PRR12: variants seen among roughly 807,000 people sequenced by gnomAD.
PRR12 encodes proline-rich protein 12.
PRR12 carries 12 observed loss-of-function variants against 138.0 expected under a neutral mutation model. The observed-to-expected ratio is 0.09, with a 90% CI of 0.06 to 0.14. PRR12 has a LOEUF of 0.14. Among genes scored for constraint, PRR12 ranks in the 10% least tolerant of loss-of-function variants. The pLI is 1.00. For synonymous variants in PRR12, 1,567 were observed against 1,291.7 expected, an observed-to-expected ratio of 1.21 and a Z score of -4.57; for missense variants, 2,692 against 2,861.3, an observed-to-expected ratio of 0.94 and a Z score of 1.35.
In PRR12 at chr19:49,597,245, C is replaced by A. The variant is rs1043521895; in HGVS notation, c.2910C>A (p.Asp970Glu). 3.2e-6 allele frequency: 5 copies of A among 1,571,320 alleles called. No individual in the cohort carries two copies. The African/African-American group carries it at 5.4e-5, about 17-fold the overall frequency. The change falls in exon 4 of 14, where the codon GAC (aspartate) becomes GAA (glutamate). Residue 970 changes from aspartate (D) to glutamate (E), a missense_variant. Around this residue, in one of 11 missense-constraint regions of PRR12, gnomAD observed 840 missense variants for 689.8 expected, o/e 1.22. Transcript: ENST00000418929. This position sits in a 1 kb window ranked among gnomAD's most constrained non-coding sequence, Gnocchi z 6.3. ...DDYGKAGPPE[D>E]EGDPKAGAGP... ...ACGGCAAGGCCGGGCCACCTGAGGA[C>A]GAGGGGGACCCCAAGGCTGGCGCTG...
chr19:49,601,676 T>G lies in PRR12; in HGVS notation c.4531T>G (p.Ser1511Ala). ...LPPPPPPAMP[S>A]PPPPPPPAAA... ...GCCGCCACCTCCACCAGCCATGCCCTCGCCTCCACCACCACCCCCACCAGC... is the reference window on the plus strand; with the variant it reads ...GCCGCCACCTCCACCAGCCATGCCCGCGCCTCCACCACCACCCCCACCAGC... Residue 1511 changes from serine to alanine, a missense_variant, in exon 6 of 14, where the codon TCG (serine) becomes GCG (alanine). By Grantham distance (99) the Ser-to-Ala change is moderately conservative. Coordinates refer to ENST00000418929, the MANE Select transcript of PRR12 (RefSeq NM_020719.3). The G allele has an allele frequency of 6.5e-7, 1 of 1,536,162 alleles. No individual in the cohort carries two copies. The highest frequency in any genetic ancestry group is 1.2e-5 in the South Asian group (1 of 83,738).
At chr19:49,592,877 T>G (rs1376196567) in intron 1 of PRR12, among the ~76,000 whole-genome samples, 1 of 151,986 alleles carries the variant, frequency 6.6e-6, no homozygotes, top group Non-Finnish European at 1.5e-5. Context: ...CCCATGAAGT[T>G]CAGGGCCTAT....
intron 6 of PRR12, among the ~76,000 whole-genome samples, chr19:49,606,107 C>G (rs978276808): frequency 6.6e-6 from 1 of 152,020 alleles, no homozygotes; most frequent in Non-Finnish European, 1.5e-5. Flanking sequence ...CTCAAGCGAT[C>G]CTCCCACCTC....
Position 49,616,152 on chromosome 19 carries a change from A to G in PRR12, c.5430A>G (p.Thr1810=). ...KWLKEAGGNA[T]AGGGPPGSSS... The stretch of plus-strand genomic sequence containing the variant: ...TGAAGGAGGCAGGCGGCAACGCTAC[A>G]GCAGGCGGGGGCCCACCAGGCAGCT... Residue 1810 remains threonine (T), a synonymous_variant, in exon 9 of 14, where the codon ACA becomes ACG. Transcript: ENST00000418929. This position sits in a 1 kb window ranked among gnomAD's most constrained non-coding sequence, Gnocchi z 4.2. 1 of 1,563,654 alleles carries G rather than the reference A, an allele frequency of 6.4e-7. No individual in the cohort carries two copies. Among genetic ancestry groups the G allele is most frequent in the Non-Finnish European group, 8.7e-7 (1 of 1,154,548 alleles).
Position 49,625,194 on chromosome 19 carries a change from G to A in PRR12, c.5958G>A (p.Arg1986=). The change falls in exon 13 of 14, where the codon CGG becomes CGA. Residue 1986 remains arginine (R), a synonymous_variant. Transcript: ENST00000418929. The surrounding 1 kb of genome is among the most constrained non-coding windows in gnomAD (Gnocchi z 5.5). ...AATACCACACCTTCCTGCGCTGCCG[G>A]GACCAGGTGAGCCCCACCCACAGCA... The part of the protein sequence containing the change: ...HYKYHTFLRC[R]DQTLAIEGGA... 2 of 1,613,304 alleles carry A rather than the reference G, an allele frequency of 1.2e-6. No individual in the cohort carries two copies. Among genetic ancestry groups the A allele is most frequent in the Non-Finnish European group, 1.7e-6 (2 of 1,179,372 alleles).
rs995610999 is a variant in PRR12 at position 49,601,524 on chromosome 19, C to G, written c.4379C>G (p.Thr1460Ser). The change falls in exon 6 of 14, where the codon ACT (threonine) becomes AGT (serine). Residue 1460 changes from threonine (T) to serine (S), a missense_variant. Transcript: ENST00000418929. ...CTGCTGGAGGAGAAACCCCCACCCACTCCACCTCCTGCCCCGACTCCTCAG... is the reference window on the plus strand; with the variant it reads ...CTGCTGGAGGAGAAACCCCCACCCAGTCCACCTCCTGCCCCGACTCCTCAG... ...PPLLEEKPPPTPPPAPTPQPQ... is the reference protein window; with the variant it reads ...PPLLEEKPPPSPPPAPTPQPQ... The G allele has an allele frequency of 7.2e-6, 11 of 1,534,432 alleles. No homozygotes were observed. The African/African-American group carries it at 8.3e-5, about 12-fold the overall frequency.
chr19:49,614,181 C>T lies in PRR12; in HGVS notation c.4774-352C>T, dbSNP rs1461569191. On this transcript the variant is annotated intron_variant, in intron 6 of 13. Transcript: ENST00000418929. This position sits in a 1 kb window ranked among gnomAD's most constrained non-coding sequence, Gnocchi z 5.0. ...CCACAACAGGACGTCTTGCTCACAA[C>T]CGTACTCTCCTGTCCAGCACAGTAA... Among the ~76,000 whole-genome samples the T allele has an allele frequency of 6.6e-6, 1 of 152,158 alleles. No individual in the cohort carries two copies.
intron 8 of PRR12, among the ~76,000 whole-genome samples, chr19:49,615,268 C>T (rs1327993664): frequency 6.8e-6 from 1 of 147,876 alleles, no homozygotes; most frequent in Non-Finnish European, 1.5e-5. Context: ...AACAGAGAAC[C>T]AGACGCATGA....
chr19:49,608,437 G>A (rs1186787812), intron 6 of PRR12, among the ~76,000 whole-genome samples: 3 of 152,052 alleles, frequency 2.0e-5, no homozygotes, highest in African/African-American at 7.2e-5. Context: ...CACCTCCCGG[G>A]TTCAAGCGAT....
Position 49,597,019 on chromosome 19 carries a change from G to A in PRR12, c.2684G>A (p.Gly895Glu), listed in dbSNP as rs770934345. 28 of 1,557,554 alleles carry A rather than the reference G, an allele frequency of 1.8e-5. No homozygotes were observed. In the South Asian group the frequency reaches 3.2e-4, roughly 18 times the overall value. ...CTGGAGCCGCTGCCCCCGGCGCCTGGGGATACTGGCGTAGGCCCACCAAAC... is the reference window on the plus strand; with the variant it reads ...CTGGAGCCGCTGCCCCCGGCGCCTGAGGATACTGGCGTAGGCCCACCAAAC... ...GALEPLPPAP[G>E]DTGVGPPNSE... The change falls in exon 4 of 14, where the codon GGG (glycine) becomes GAG (glutamate). Residue 895 changes from glycine to glutamate, a missense_variant. Physicochemically the swap from Gly to Glu is moderately conservative, Grantham distance 98. Coordinates refer to ENST00000418929, the MANE Select transcript of PRR12 (RefSeq NM_020719.3). This position sits in a 1 kb window ranked among gnomAD's most constrained non-coding sequence, Gnocchi z 6.3.
chr19:49,596,727 C>A lies in PRR12; in HGVS notation c.2392C>A (p.Pro798Thr), dbSNP rs963236905. The A allele has an allele frequency of 6.2e-7, 1 of 1,601,392 alleles. No homozygotes were observed. Among genetic ancestry groups the A allele is most frequent in the Admixed American group, 1.7e-5 (1 of 59,728 alleles). ...PDLPLVLPPP[P>T]PQLLPSVLSH... ...CCTCCCACTGGTGCTGCCTCCGCCT[C>A]CCCCCCAGCTGCTCCCCTCGGTCCT... Residue 798 changes from proline to threonine, a missense_variant, in exon 4 of 14, where the codon CCC becomes ACC. Physicochemically the swap from Pro to Thr is conservative, Grantham distance 38. Transcript: ENST00000418929. This position sits in a 1 kb window ranked among gnomAD's most constrained non-coding sequence, Gnocchi z 5.6.
At chr19:49,622,777 A>C (rs1046611104) in intron 11 of PRR12, among the ~76,000 whole-genome samples, 7 of 150,212 alleles carry the variant, frequency 4.7e-5, no homozygotes, top group African/African-American at 7.4e-5. Context: ...CTGTAGTCCC[A>C]GCTACTCAGG....
rs1055611668 is a variant in PRR12 at position 49,601,874 on chromosome 19, C to A, written c.4729C>A (p.Arg1577=). 3.1e-6 allele frequency: 5 copies of A among 1,612,320 alleles called. No homozygotes were observed. The highest frequency in any genetic ancestry group is 4.2e-6 in the Non-Finnish European group (5 of 1,179,848). Residue 1577 remains arginine (R), a synonymous_variant, in exon 6 of 14, where the codon CGG becomes AGG. Coordinates refer to ENST00000418929, the MANE Select transcript of PRR12 (RefSeq NM_020719.3). The part of the protein sequence containing the change: ...ESGGEGIFRE[R]DEFVIRAEDI... The stretch of plus-strand genomic sequence containing the variant: ...TGGCGGAGAGGGCATCTTCCGGGAA[C>A]GGGACGAGTTCGTCATCCGTGCTGA...
At chr19:49,605,126 C>G (rs560848839) in intron 6 of PRR12, among the ~76,000 whole-genome samples, 1 of 149,882 alleles carries the variant, frequency 6.7e-6, no homozygotes, top group Non-Finnish European at 1.5e-5. Context: ...GCTGGGATTA[C>G]AGGAATGAGC....
chr19:49,622,952 G>A (rs1020460578), intron 11 of PRR12, among the ~76,000 whole-genome samples: 17 of 106,110 alleles, frequency 1.6e-4, no homozygotes, highest in African/African-American at 2.6e-4. Context: ...GAGAGAGAGA[G>A]AGAGAAAGAG....
In PRR12 at chr19:49,597,317, T is replaced by C. The variant is rs2080779317; in HGVS notation, c.2982T>C (p.Cys994=). The C allele has an allele frequency of 6.4e-7, 1 of 1,552,052 alleles. No homozygotes were observed. Among genetic ancestry groups the C allele is most frequent in the African/African-American group, 1.4e-5 (1 of 73,550 alleles). The part of the protein sequence containing the change: ...PPAYDPYGPY[C]PGRASGAGPE... ...CTTATGATCCCTATGGGCCCTACTG[T>C]CCTGGCCGGGCGTCGGGAGCCGGGC... Residue 994 remains cysteine (C), a synonymous_variant, in exon 4 of 14, where the codon TGT becomes TGC. Coordinates refer to ENST00000418929, the MANE Select transcript of PRR12 (RefSeq NM_020719.3). The surrounding 1 kb of genome is among the most constrained non-coding windows in gnomAD (Gnocchi z 6.3).
At position 49,595,088 on chromosome 19, in the gene PRR12, T is replaced by C. The variant is rs1163704999; in HGVS notation, c.753T>C (p.Ser251=). 2 of 1,610,968 alleles carry C rather than the reference T, an allele frequency of 1.2e-6. No individual in the cohort carries two copies. The highest frequency in any genetic ancestry group is 1.7e-6 in the Non-Finnish European group (2 of 1,179,442). ...LPTQFNLLAS[S]SAAAAAAEQS... Reference sequence around the variant, plus strand: ...CTCAGTTCAACCTGCTGGCTTCCTCTTCCGCTGCCGCCGCCGCTGCCGAGC... The same window carrying C: ...CTCAGTTCAACCTGCTGGCTTCCTCCTCCGCTGCCGCCGCCGCTGCCGAGC... The change falls in exon 4 of 14, where the codon TCT becomes TCC. Residue 251 remains serine (S), a synonymous_variant. Coordinates refer to ENST00000418929, the MANE Select transcript of PRR12 (RefSeq NM_020719.3).
At chr19:49,610,560 TGAGATGGAG>T in intron 6 of PRR12, among the ~76,000 whole-genome samples, 1 of 149,854 alleles carries the variant, frequency 6.7e-6, no homozygotes, top group Non-Finnish European at 1.5e-5. Flanking sequence ...TTTTTTTTTT[TGAGATGGAG>T]TCTCGCTCTG....
At position 49,601,515 on chromosome 19, in the gene PRR12, C is replaced by T. The variant is rs898545734; in HGVS notation, c.4370C>T (p.Pro1457Leu). 1.2e-5 allele frequency: 19 copies of T among 1,522,694 alleles called. No individual in the cohort carries two copies. Among genetic ancestry groups the T allele is most frequent in the African/African-American group, 2.8e-5 (2 of 72,196 alleles). The allele number at this position is 1,522,694 out of a possible 1,614,324, so 94.3% of individuals were successfully genotyped here. The change falls in exon 6 of 14, where the codon CCC becomes CTC. Residue 1457 changes from proline (P) to leucine (L), a missense_variant. Pro to Leu is a moderately conservative substitution (Grantham distance 98). Coordinates refer to ENST00000418929, the MANE Select transcript of PRR12 (RefSeq NM_020719.3). The part of the protein sequence containing the change: ...TPEPPLLEEK[P>L]PPTPPPAPTP... ...GAGCCCCCGCTGCTGGAGGAGAAAC[C>T]CCCACCCACTCCACCTCCTGCCCCG...
Sources: gnomAD v4.1 joint callset for allele counts (sites outside exome capture counted in the v4.1 genomes callset) on GRCh38, gnomAD v4.1.1 for gene constraint, gnomAD v4.1.1 regional missense constraint, Gnocchi (gnomAD v3.1) non-coding constraint, MANE v1.5 for transcripts, NCBI Gene and HGNC (gene_info 2026-07-23, HGNC 2026-07-21) for gene names.